HEMK2: variants seen among roughly 807,000 people sequenced by gnomAD.
HEMK2 encodes methyltransferase HEMK2.
chr21:28,683,907 GAGA>G, the HEMK2 span, among the ~76,000 whole-genome samples: 1 of 152,160 alleles, frequency 6.6e-6, no homozygotes, highest in Non-Finnish European at 1.5e-5. Context: ...CTGGCATCAT[GAGA>G]AGCTTCTTTT....
At chr21:28,625,300 A>G in the HEMK2 span, among the ~76,000 whole-genome samples, 3 of 152,270 alleles carry the variant, frequency 2.0e-5, no homozygotes, top group African/African-American at 7.2e-5. Context: ...AAAGATACTT[A>G]TGGAACTTAT....
chr21:28,663,970 T>A, the HEMK2 span, among the ~76,000 whole-genome samples: 1 of 152,222 alleles, frequency 6.6e-6, no homozygotes, highest in Non-Finnish European at 1.5e-5. Flanking sequence ...TGTATATACA[T>A]ACATACGCAT....
chr21:28,725,289 G>A, the HEMK2 span, among the ~76,000 whole-genome samples: 1 of 152,162 alleles, frequency 6.6e-6, no homozygotes, highest in African/African-American at 2.4e-5. Context: ...TCTTGGTTTT[G>A]ATGTCCCCCA....
chr21:28,865,183 C>T, the HEMK2 span, among the ~76,000 whole-genome samples: 279 of 152,104 alleles, frequency 1.8e-3, 7 homozygotes, highest in African/African-American at 6.1e-3. Context: ...TTTTTGTTTT[C>T]AAGATGGAAT....
At chr21:28,662,385 C>T in the HEMK2 span, among the ~76,000 whole-genome samples, 2 of 152,144 alleles carry the variant, frequency 1.3e-5, no homozygotes, top group Non-Finnish European at 2.9e-5. Flanking sequence ...CTCTTTCCCC[C>T]TCCGCTGGCT....
the HEMK2 span, among the ~76,000 whole-genome samples, chr21:28,605,127 C>A: frequency 6.6e-6 from 1 of 152,194 alleles, no homozygotes; most frequent in African/African-American, 2.4e-5. Flanking sequence ...TGCTCTTGCT[C>A]ATAGCACCTC....
At chr21:28,843,273 G>T in the HEMK2 span, among the ~76,000 whole-genome samples, 1 of 152,086 alleles carries the variant, frequency 6.6e-6, no homozygotes, top group South Asian at 2.1e-4. Context: ...TCACAGTTCT[G>T]CATGGCTGAG....
the HEMK2 span, among the ~76,000 whole-genome samples, chr21:28,652,103 T>G: frequency 1.3e-5 from 2 of 152,248 alleles, no homozygotes; most frequent in African/African-American, 4.8e-5. Flanking sequence ...ACCATATTTT[T>G]AGTCCCCTAA....
the HEMK2 span, among the ~76,000 whole-genome samples, chr21:28,612,606 T>G: frequency 2.6e-3 from 398 of 152,150 alleles, 2 homozygotes; most frequent in African/African-American, 9.1e-3. Flanking sequence ...GAGAAAGAAA[T>G]AAAGGGCTTC....
the HEMK2 span, among the ~76,000 whole-genome samples, chr21:28,722,180 AG>A: frequency 6.6e-6 from 1 of 152,084 alleles, no homozygotes; most frequent in African/African-American, 2.4e-5. Flanking sequence ...AAAGGTAGGA[AG>A]ATAGAGTAAA....
the HEMK2 span, among the ~76,000 whole-genome samples, chr21:28,584,525 C>T: frequency 6.6e-6 from 1 of 152,060 alleles, no homozygotes. Context: ...TCAAAAATGT[C>T]AGGAAAGCAA....
At chr21:28,638,330 T>C in the HEMK2 span, among the ~76,000 whole-genome samples, 4 of 151,900 alleles carry the variant, frequency 2.6e-5, no homozygotes, top group African/African-American at 9.7e-5. Context: ...TGAAAGGAGG[T>C]ATAGGAAGAG....
chr21:28,733,712 C>G, the HEMK2 span, among the ~76,000 whole-genome samples: 1 of 151,734 alleles, frequency 6.6e-6, no homozygotes, highest in Non-Finnish European at 1.5e-5. Flanking sequence ...GATTGCCACC[C>G]TTTGCAAGCC....
At chr21:28,619,532 T>C in the HEMK2 span, among the ~76,000 whole-genome samples, 1 of 152,228 alleles carries the variant, frequency 6.6e-6, no homozygotes, top group Admixed American at 6.5e-5. Context: ...TTGGCACTTC[T>C]CACAAAGATA....
chr21:28,662,483 G>A, the HEMK2 span, among the ~76,000 whole-genome samples: 405 of 152,238 alleles, frequency 2.7e-3, 1 homozygote, highest in African/African-American at 9.0e-3. Context: ...AGAAGGGTGT[G>A]TTCAAAGTTA....
At chr21:28,844,302 T>A in the HEMK2 span, among the ~76,000 whole-genome samples, 1 of 152,062 alleles carries the variant, frequency 6.6e-6, no homozygotes, top group East Asian at 1.9e-4. Context: ...TTCTCCACTC[T>A]TCATATTAGC....
chr21:28,771,518 A>ACCCCCCCCCCCCCCCC, the HEMK2 span, among the ~76,000 whole-genome samples: 17 of 105,640 alleles, frequency 1.6e-4, no homozygotes, highest in South Asian at 3.9e-4. Flanking sequence ...AAGATGCACC[A>ACCCCCCCCCCCCCCCC]CCCCCCCCCG....
the HEMK2 span, among the ~76,000 whole-genome samples, chr21:28,580,857 A>G: frequency 6.6e-6 from 1 of 152,286 alleles, no homozygotes; most frequent in South Asian, 2.1e-4. Flanking sequence ...ACTAGAAAGT[A>G]AAGTACTAAA....
At chr21:28,785,222 G>A in the HEMK2 span, among the ~76,000 whole-genome samples, 211 of 152,198 alleles carry the variant, frequency 1.4e-3, 1 homozygote, top group African/African-American at 4.7e-3. Context: ...AAGGGTCCGC[G>A]GCTTCATTCT....
Sources: gnomAD v4.1 joint callset for allele counts (sites outside exome capture counted in the v4.1 genomes callset) on GRCh38, gnomAD v4.1.1 for gene constraint, MANE v1.5 for transcripts, NCBI Gene and HGNC (gene_info 2026-07-23, HGNC 2026-07-21) for gene names.